The following EXT1 variants were observed in gnomAD, a reference collection of about 807,000 sequenced individuals.
EXT1 encodes exostosin glycosyltransferase 1, also known as exostosin-1.
A neutral mutation model predicts 82.5 loss-of-function variants in EXT1; 20 were observed. The observed-to-expected ratio is 0.24, with a 90% CI of 0.17 to 0.35. The LOEUF (loss-of-function observed/expected upper bound fraction) is 0.35. Among genes scored for constraint, EXT1 ranks in the 10% least tolerant of loss-of-function variants. The pLI is 1.00. For synonymous variants in EXT1, 348 were observed against 350.8 expected (o/e 0.99, Z 0.09); for missense variants, 757 against 936.5 (o/e 0.81, Z 2.50).
chr8:117,971,121 T>C (rs1814930709), intron 1 of EXT1, among the ~76,000 whole-genome samples: 1 of 152,218 alleles, frequency 6.6e-6, no homozygotes, highest in Non-Finnish European at 1.5e-5. Context: ...TGACCTCACC[T>C]GTGCAGGCTT....
intron 1 of EXT1, among the ~76,000 whole-genome samples, chr8:117,897,871 C>T (rs572151579): frequency 2.1e-3 from 320 of 152,014 alleles, no homozygotes; most frequent in Non-Finnish European, 3.7e-3. Context: ...CCAAAACGGT[C>T]GGATTATAGG....
chr8:117,934,454 G>A (rs746648133), intron 1 of EXT1, among the ~76,000 whole-genome samples: 1 of 152,162 alleles, frequency 6.6e-6, no homozygotes, highest in Non-Finnish European at 1.5e-5. Flanking sequence ...CAGGGCTTCC[G>A]AGCAGACCAG....
rs1823249597 is a variant in EXT1, at chr8:117,807,141, C to T, written c.1883+76G>A. Reference sequence around the variant, plus strand: ...CCTCAATGCTGTTAACAAGATTTGGCCTTAGTTCCTATTTATGCAGCAGCC... The same window carrying T: ...CCTCAATGCTGTTAACAAGATTTGGTCTTAGTTCCTATTTATGCAGCAGCC... On this transcript the variant is annotated intron_variant, in intron 9 of 10. Coordinates refer to ENST00000378204, the MANE Select transcript of EXT1 (RefSeq NM_000127.3). The T allele has an allele frequency of 2.5e-6, 4 of 1,575,776 alleles. No individual in the cohort carries two copies. The Admixed American group carries it at 6.7e-5, about 26-fold the overall frequency.
At chr8:117,878,610 A>C (rs1813009182) in intron 1 of EXT1, among the ~76,000 whole-genome samples, 1 of 152,192 alleles carries the variant, frequency 6.6e-6, no homozygotes, top group Non-Finnish European at 1.5e-5. Context: ...AAATCTCTCA[A>C]AGGGCTGAAG....
intron 1 of EXT1, among the ~76,000 whole-genome samples, chr8:118,039,110 T>C (rs1816479216): frequency 6.6e-6 from 1 of 152,254 alleles, no homozygotes; most frequent in South Asian, 2.1e-4. Context: ...ACACTCAGCA[T>C]AATAAACATT....
At chr8:118,090,377 G>A (rs1484306215) in intron 1 of EXT1, among the ~76,000 whole-genome samples, 1 of 151,970 alleles carries the variant, frequency 6.6e-6, no homozygotes, top group Non-Finnish European at 1.5e-5. Context: ...CCATGACAGT[G>A]CCACTGTCAT....
At chr8:117,800,175 G>C (rs147579032) in intron 10 of EXT1, among the ~76,000 whole-genome samples, 2 of 152,128 alleles carry the variant, frequency 1.3e-5, no homozygotes, top group South Asian at 4.1e-4. Flanking sequence ...GTCAGTCCAC[G>C]ACTTAGCAAC....
At chr8:117,980,726 T>G (rs1025536932) in intron 1 of EXT1, among the ~76,000 whole-genome samples, 5 of 142,680 alleles carry the variant, frequency 3.5e-5, no homozygotes, top group South Asian at 2.3e-4. Context: ...TTTTTTTTTT[T>G]TTTTTCCAGT....
intron 1 of EXT1, among the ~76,000 whole-genome samples, chr8:118,065,248 GCTTT>G (rs1816957533): frequency 2.0e-5 from 3 of 152,170 alleles, no homozygotes; most frequent in African/African-American, 7.2e-5. Context: ...ATGATGATAA[GCTTT>G]TTTTCATATG....
At chr8:117,908,843 G>T (rs1404473422) in intron 1 of EXT1, among the ~76,000 whole-genome samples, 2 of 152,034 alleles carry the variant, frequency 1.3e-5, no homozygotes, top group African/African-American at 2.4e-5. Context: ...ATTCCAGGCG[G>T]CTGGGTGCGG....
chr8:118,053,430 G>A lies in EXT1; in HGVS notation c.962+56655C>T, dbSNP rs529621016. On this transcript the variant is annotated intron_variant, in intron 1 of 10. Coordinates refer to ENST00000378204, the MANE Select transcript of EXT1 (RefSeq NM_000127.3). ...CTTCACTTTTACATTATAATCTGAA[G>A]ATCTTTCAGTGGGCCCAGAGAAAAA... 1.2e-4 allele frequency among the ~76,000 whole-genome samples: 18 copies of A among 152,198 alleles called. 1 individual carries two copies. In the South Asian group the frequency reaches 3.7e-3, roughly 32 times the overall value.
intron 3 of EXT1, among the ~76,000 whole-genome samples, chr8:117,834,347 G>C (rs564740446): frequency 1.3e-5 from 2 of 152,170 alleles, no homozygotes; most frequent in East Asian, 3.9e-4. Context: ...GCTCACACCT[G>C]TAATTCCAGC....
chr8:118,093,454 C>A lies in EXT1; in HGVS notation c.962+16631G>T, dbSNP rs899511260. 1.1e-4 allele frequency among the ~76,000 whole-genome samples: 17 copies of A among 152,194 alleles called. No homozygotes were observed. The East Asian group carries it at 2.7e-3, about 24-fold the overall frequency. On this transcript the variant is annotated intron_variant, in intron 1 of 10. Transcript: ENST00000378204. ...TACTTAGTGAACCATTTGCCAGAGT[C>A]TCTTTTTGAACAGTGGATGTTAGAG...
intron 1 of EXT1, among the ~76,000 whole-genome samples, chr8:117,875,726 G>A (rs1019703323): frequency 2.6e-5 from 4 of 151,834 alleles, no homozygotes; most frequent in African/African-American, 9.7e-5. Context: ...GGAGTTGAGG[G>A]AAGAAGAAAA....
intron 1 of EXT1, among the ~76,000 whole-genome samples, chr8:117,928,774 A>G (rs902724123): frequency 1.3e-5 from 2 of 152,164 alleles, no homozygotes; most frequent in African/African-American, 2.4e-5. Flanking sequence ...ATTAAAAAAA[A>G]AAAAGATGAA....
intron 1 of EXT1, among the ~76,000 whole-genome samples, chr8:117,977,362 G>A (rs1391177050): frequency 6.7e-6 from 1 of 148,532 alleles, no homozygotes; most frequent in African/African-American, 2.5e-5. Context: ...ATACCAGCCT[G>A]GGCAATAGAG....
At chr8:117,868,605 C>T (rs112647839) in intron 1 of EXT1, among the ~76,000 whole-genome samples, 32 of 152,128 alleles carry the variant, frequency 2.1e-4, no homozygotes, top group South Asian at 2.1e-3. Context: ...TACATGCCAC[C>T]ATGCCTGGCT....
intron 1 of EXT1, among the ~76,000 whole-genome samples, chr8:117,924,076 A>G (rs1227806049): frequency 6.6e-6 from 1 of 152,256 alleles, no homozygotes; most frequent in African/African-American, 2.4e-5. Context: ...GGAGCATGCT[A>G]GAACTGGAGA....
chr8:118,016,719 A>C (rs1432263726), intron 1 of EXT1, among the ~76,000 whole-genome samples: 1 of 152,244 alleles, frequency 6.6e-6, no homozygotes, highest in Admixed American at 6.5e-5. Context: ...AATGAACAAG[A>C]AGCATGAAAC....
Sources: gnomAD v4.1 joint callset for allele counts (sites outside exome capture counted in the v4.1 genomes callset) on GRCh38, gnomAD v4.1.1 for gene constraint, MANE v1.5 for transcripts, NCBI Gene and HGNC (gene_info 2026-07-23, HGNC 2026-07-21) for gene names.